The following TTC7A variants were observed in gnomAD, a reference collection of about 807,000 sequenced individuals.
The protein encoded by TTC7A is tetratricopeptide repeat protein 7A.
TTC7A carries 110 observed loss-of-function variants against 103.7 expected under a neutral mutation model. That is an observed-to-expected ratio of 1.06 (90% CI 0.91 to 1.24). The LOEUF is 1.24. Ranked by LOEUF, TTC7A falls within the 50% of genes most tolerant of loss-of-function variation. TTC7A has a pLI of 0.00. For missense variants in TTC7A, 1,340 were observed against 1,116.3 expected, an observed-to-expected ratio of 1.20 and a Z score of -2.86; for synonymous variants, 521 against 467.9, an observed-to-expected ratio of 1.11 and a Z score of -1.47.
chr2:46,958,186 G>A (rs1672054743), intron 3 of TTC7A, among the ~76,000 whole-genome samples: 1 of 152,154 alleles, frequency 6.6e-6, no homozygotes, highest in African/African-American at 2.4e-5. Context: ...CTTCTGAGGG[G>A]GTTCGCCCAC....
chr2:46,921,998 CAATA>C (rs1178705838), intron 2 of TTC7A, among the ~76,000 whole-genome samples: 5 of 152,086 alleles, frequency 3.3e-5, no homozygotes, highest in Non-Finnish European at 7.4e-5. Context: ...AGGGAGATAA[CAATA>C]AAAAACTAAA....
At position 46,941,934 on chromosome 2, in the gene TTC7A, G is replaced by A. The variant is rs1250691039; in HGVS notation, c.184+209G>A. 5 of 639,480 alleles carry A rather than the reference G, an allele frequency of 7.8e-6. No individual in the cohort carries two copies. The highest frequency in any genetic ancestry group is 2.8e-5 in the East Asian group (1 of 36,214). 39.6% of individuals were successfully genotyped at this position (639,480 alleles called of 1,614,324 possible). Reference sequence around the variant, plus strand: ...TTGGGGGCTTGGAGGGAAGAGAAACGGCTTTTGCTCTGTGTCCTTTAGGAT... The same window carrying A: ...TTGGGGGCTTGGAGGGAAGAGAAACAGCTTTTGCTCTGTGTCCTTTAGGAT... On this transcript the variant is annotated intron_variant, in intron 1 of 19. Coordinates refer to ENST00000319190, the MANE Select transcript of TTC7A (RefSeq NM_020458.4). The surrounding 1 kb of genome is among the most constrained non-coding windows in gnomAD (Gnocchi z 4.2).
chr2:47,016,235 C>G (rs1004131425), intron 11 of TTC7A, among the ~76,000 whole-genome samples: 1 of 152,150 alleles, frequency 6.6e-6, no homozygotes, highest in Non-Finnish European at 1.5e-5. Context: ...AACAAAGGAT[C>G]AAAACATTAT....
chr2:46,978,791 G>T lies in TTC7A; in HGVS notation c.649-1G>T. On this transcript the variant is annotated splice_acceptor_variant, in intron 4 of 19. Transcript: ENST00000319190. LOFTEE classifies it high-confidence loss of function. ...GGCTCTCTCTCTGTTTCCCTTCCCAGACCACAAATAACAGCACGTCGAGGC... is the reference window on the plus strand; with the variant it reads ...GGCTCTCTCTCTGTTTCCCTTCCCATACCACAAATAACAGCACGTCGAGGC... The T allele has an allele frequency of 1.2e-6, 2 of 1,613,440 alleles. No individual in the cohort carries two copies. The highest frequency in any genetic ancestry group is 2.2e-5 in the South Asian group (2 of 91,028).
Position 46,956,879 on chromosome 2 carries a change from T to C in TTC7A, c.389T>C (p.Leu130Pro). ...MCEAMLILGK[L>P]HYVEGSYRDA... ...GAGGCCATGCTGATCCTGGGCAAAC[T>C]GCATTACGTGGAGGGCTCATACCGA... Residue 130 changes from leucine (L) to proline (P), a missense_variant, in exon 3 of 20, where the codon CTG becomes CCG. By Grantham distance (98) the Leu-to-Pro change is moderately conservative. Coordinates refer to ENST00000319190, the MANE Select transcript of TTC7A (RefSeq NM_020458.4). The C allele has an allele frequency of 6.2e-7, 1 of 1,614,212 alleles. No homozygotes were observed. Among genetic ancestry groups the C allele is most frequent in the Non-Finnish European group, 8.5e-7 (1 of 1,180,034 alleles).
rs553159181 is a variant in TTC7A at position 47,048,325 on chromosome 2, A to T, written c.1920-1624A>T. On this transcript the variant is annotated intron_variant, in intron 16 of 19. Coordinates refer to ENST00000319190, the MANE Select transcript of TTC7A (RefSeq NM_020458.4). ...GAACCAAGTGTAGTCCTGGAGATGGACTCTTTGTGGAGCCCTAGGAAAGGC... is the reference window on the plus strand; with the variant it reads ...GAACCAAGTGTAGTCCTGGAGATGGTCTCTTTGTGGAGCCCTAGGAAAGGC... Among the ~76,000 whole-genome samples, 6 of 152,026 alleles carry T rather than the reference A, an allele frequency of 3.9e-5. No individual in the cohort carries two copies. In the South Asian group the frequency reaches 1.2e-3, roughly 32 times the overall value.
Position 47,050,118 on chromosome 2 carries a change from A to G in TTC7A, c.2017+72A>G, listed in dbSNP as rs1376029401. The G allele has an allele frequency of 3.1e-5, 40 of 1,291,570 alleles. 1 individual carries two copies. The South Asian group carries it at 4.8e-4, about 15-fold the overall frequency. 80.0% of individuals were successfully genotyped at this position (1,291,570 alleles called of 1,614,324 possible). The stretch of plus-strand genomic sequence containing the variant: ...ACACTCCCAGCTTGAGAGCACCAAC[A>G]CAGAGAGGGGCCGGGCCCTCTCCCA... On this transcript the variant is annotated intron_variant, in intron 17 of 19. Transcript: ENST00000319190.
At chr2:46,979,545 A>T (rs1012467090) in intron 5 of TTC7A, among the ~76,000 whole-genome samples, 1 of 152,112 alleles carries the variant, frequency 6.6e-6, no homozygotes, top group Non-Finnish European at 1.5e-5. Flanking sequence ...TGCCTTCCGT[A>T]GGCTTTTGCT....
At position 46,995,666 on chromosome 2, in the gene TTC7A, G is replaced by A. The variant is rs150399505; in HGVS notation, c.1065+467G>A. On this transcript the variant is annotated intron_variant, in intron 8 of 19. Coordinates refer to ENST00000319190, the MANE Select transcript of TTC7A (RefSeq NM_020458.4). ...CATCACTTATTTTCTCTGAGCCTCC[G>A]TTTTCTCCCCTGTAATATAACAATA... Among the ~76,000 whole-genome samples the A allele has an allele frequency of 4.6e-4, 70 of 152,262 alleles. 1 individual carries two copies. The highest frequency in any genetic ancestry group is 7.4e-4 in the Non-Finnish European group (50 of 68,018).
At chr2:46,958,966 T>A (rs941312766) in intron 3 of TTC7A, among the ~76,000 whole-genome samples, 2 of 152,192 alleles carry the variant, frequency 1.3e-5, no homozygotes, top group Non-Finnish European at 2.9e-5. Context: ...TAGGCCCTCG[T>A]TGAGCCCCCT....
intron 11 of TTC7A, among the ~76,000 whole-genome samples, chr2:47,017,692 G>C (rs577533846): frequency 6.6e-6 from 1 of 152,282 alleles, no homozygotes; most frequent in South Asian, 2.1e-4. Context: ...CGGGCCTGCG[G>C]AGGTGCCAAC....
At chr2:47,042,157 A>G (rs1053886552) in intron 15 of TTC7A, among the ~76,000 whole-genome samples, 2 of 152,198 alleles carry the variant, frequency 1.3e-5, no homozygotes, top group Non-Finnish European at 2.9e-5. Context: ...GTTGTCAGGA[A>G]CAGCCCTCTT....
intron 3 of TTC7A, among the ~76,000 whole-genome samples, chr2:46,970,463 G>A (rs932440944): frequency 3.3e-5 from 5 of 152,244 alleles, no homozygotes; most frequent in Admixed American, 1.3e-4. Flanking sequence ...GGGGCTGGCA[G>A]CTTGAACTAG....
At chr2:46,928,459 TAAAAAAAAAAAAAA>T (rs35897582) in intron 2 of TTC7A, among the ~76,000 whole-genome samples, 1 of 81,976 alleles carries the variant, frequency 1.2e-5, no homozygotes, top group Admixed American at 1.4e-4. Flanking sequence ...AAAGGGAAAT[TAAAAAAAAAAAAAA>T]AAAAAAAAAA....
chr2:46,933,612 T>C (rs1038828111), intron 2 of TTC7A, among the ~76,000 whole-genome samples: 1 of 152,200 alleles, frequency 6.6e-6, no homozygotes, highest in Non-Finnish European at 1.5e-5. Flanking sequence ...ATGGGCAGGA[T>C]GTGCTCTGAG....
intron 16 of TTC7A, among the ~76,000 whole-genome samples, chr2:47,048,990 GT>G (rs1682595656): frequency 6.6e-6 from 1 of 152,154 alleles, no homozygotes; most frequent in Non-Finnish European, 1.5e-5. Flanking sequence ...AGCCATTGTG[GT>G]TTTATAGATG....
chr2:46,939,953 C>T (rs1005860995), upstream of TTC7A, among the ~76,000 whole-genome samples: 1 of 152,164 alleles, frequency 6.6e-6, no homozygotes, highest in African/African-American at 2.4e-5. Flanking sequence ...GAACAGTCCC[C>T]AGGTGCTCAG....
At chr2:47,000,630 G>T (rs1020737390) in intron 8 of TTC7A, among the ~76,000 whole-genome samples, 6 of 152,198 alleles carry the variant, frequency 3.9e-5, no homozygotes, top group Admixed American at 1.3e-4. Flanking sequence ...TGCTGGTGGG[G>T]ACGACAGCAC....
chr2:47,072,616 C>A (rs1254726610), intron 19 of TTC7A, among the ~76,000 whole-genome samples: 2 of 152,200 alleles, frequency 1.3e-5, no homozygotes, highest in Non-Finnish European at 2.9e-5. Context: ...AGAGGGGGCT[C>A]CAGGCACATA....
Sources: allele counts gnomAD v4.1 joint callset (sites outside exome capture counted in the v4.1 genomes callset), GRCh38; gene constraint gnomAD v4.1.1; non-coding constraint Gnocchi (gnomAD v3.1); transcripts MANE v1.5; gene names NCBI Gene and HGNC (gene_info 2026-07-23, HGNC 2026-07-21).